MAST4: variants seen among roughly 807,000 people sequenced by gnomAD.
MAST4 encodes microtubule-associated serine/threonine-protein kinase 4.
MAST4 carries 89 observed loss-of-function variants against 162.7 expected under a neutral mutation model. That is an observed-to-expected ratio of 0.55 (90% confidence interval 0.46 to 0.65). MAST4 has a LOEUF of 0.65. Among genes scored for constraint, MAST4 ranks in the 30% least tolerant of loss-of-function variants. The pLI is 0.00. For synonymous variants in MAST4, 1,479 were observed against 1,361.1 expected, an observed-to-expected ratio of 1.09 and a Z score of -1.91; for missense variants, 3,153 against 3,374.0, an observed-to-expected ratio of 0.93 and a Z score of 1.62.
At chr5:66,628,305 G>A (rs1015217415) in intron 1 of MAST4, among the ~76,000 whole-genome samples, 7 of 151,000 alleles carry the variant, frequency 4.6e-5, no homozygotes, top group Non-Finnish European at 1.0e-4. Flanking sequence ...AAGTGCTGGA[G>A]TGACAAGCAT....
intron 4 of MAST4, among the ~76,000 whole-genome samples, chr5:66,983,837 T>C (rs1312054019): frequency 1.3e-5 from 2 of 152,168 alleles, no homozygotes; most frequent in Non-Finnish European, 2.9e-5. Flanking sequence ...TGACTTCAGA[T>C]AGTGGGGTTT....
chr5:67,095,127 G>C (rs931163460), intron 6 of MAST4, among the ~76,000 whole-genome samples: 1 of 152,188 alleles, frequency 6.6e-6, no homozygotes, highest in Admixed American at 6.5e-5. Flanking sequence ...AGCATGATGA[G>C]TATAACTGTT....
chr5:66,997,789 ATTATAT>A (rs1209315055), intron 4 of MAST4, among the ~76,000 whole-genome samples: 2 of 152,240 alleles, frequency 1.3e-5, no homozygotes, highest in Non-Finnish European at 1.5e-5. Flanking sequence ...CATGCCTGAC[ATTATAT>A]TTATACCCCT....
In MAST4 at chr5:67,133,656, G is replaced by A; in HGVS notation, c.2226+10G>A. The A allele has an allele frequency of 6.2e-7, 1 of 1,612,212 alleles. No homozygotes were observed. The highest frequency in any genetic ancestry group is 8.5e-7 in the Non-Finnish European group (1 of 1,178,916). On this transcript the variant is annotated intron_variant, in intron 17 of 28. Coordinates refer to ENST00000403625, the MANE Select transcript of MAST4 (RefSeq NM_001164664.2). ...GTTCCTGGATAAACAGGTAAGCTTG[G>A]GTGCCATTTAGTTTATTGAGAAATA...
At chr5:66,681,559 A>T (rs567241333) in intron 1 of MAST4, among the ~76,000 whole-genome samples, 1 of 152,328 alleles carries the variant, frequency 6.6e-6, no homozygotes, top group African/African-American at 2.4e-5. Context: ...GTGTTTGAAA[A>T]TTGTTGTCAG....
rs562866179 is a variant in MAST4, at chr5:66,840,863, T to G, written c.642+52069T>G. On this transcript the variant is annotated intron_variant, in intron 3 of 28. Transcript: ENST00000403625. ...CCCTCTAGACCTACAAATGTGAGAA[T>G]AAGCCACTAAGTTTCGTAATGAGTT... 2.0e-5 allele frequency among the ~76,000 whole-genome samples: 3 copies of G among 152,274 alleles called. No individual in the cohort carries two copies. In the East Asian group the frequency reaches 5.8e-4, roughly 29 times the overall value.
intron 4 of MAST4, among the ~76,000 whole-genome samples, chr5:66,907,645 A>T (rs1389685258): frequency 1.3e-5 from 2 of 149,520 alleles, no homozygotes; most frequent in African/African-American, 2.5e-5. Flanking sequence ...TGTATTTTTT[A>T]AAAAGAAGAC....
At chr5:67,117,895 A>G (rs942748883) in intron 12 of MAST4, among the ~76,000 whole-genome samples, 12 of 152,214 alleles carry the variant, frequency 7.9e-5, no homozygotes, top group Non-Finnish European at 1.3e-4. Context: ...TCAGGGTAGT[A>G]CTTAAAGCTG....
intron 5 of MAST4, among the ~76,000 whole-genome samples, chr5:67,060,455 A>G (rs1032725158): frequency 6.6e-6 from 1 of 151,112 alleles, no homozygotes; most frequent in Middle Eastern, 3.2e-3. Flanking sequence ...TGTGCCAGAG[A>G]TACTCCTGGG....
chr5:66,788,990 T>G (rs1755257686), intron 3 of MAST4, among the ~76,000 whole-genome samples, 196 bp downstream of exon 3: 1 of 152,256 alleles, frequency 6.6e-6, no homozygotes, highest in Admixed American at 6.5e-5. Flanking sequence ...CTCTCAATTT[T>G]GGCCTCATCT....
intron 3 of MAST4, among the ~76,000 whole-genome samples, chr5:66,823,705 G>A (rs1036590283): frequency 2.0e-5 from 3 of 152,024 alleles, no homozygotes; most frequent in African/African-American, 4.8e-5. Context: ...CAACATGTTC[G>A]GCTGGTCTCG....
chr5:66,635,852 A>T (rs1357878328), intron 1 of MAST4, among the ~76,000 whole-genome samples: 3 of 149,652 alleles, frequency 2.0e-5, no homozygotes, highest in Admixed American at 1.3e-4. Flanking sequence ...GTGTACATGG[A>T]GAGAGAGGAG....
At chr5:66,974,773 C>T (rs966451217) in intron 4 of MAST4, among the ~76,000 whole-genome samples, 3 of 152,200 alleles carry the variant, frequency 2.0e-5, no homozygotes, top group Non-Finnish European at 4.4e-5. Flanking sequence ...ACTATTTGTT[C>T]TGTACATAAT....
chr5:66,908,148 G>A (rs1274097828), intron 4 of MAST4, among the ~76,000 whole-genome samples: 2 of 152,220 alleles, frequency 1.3e-5, no homozygotes, highest in South Asian at 4.1e-4. Context: ...GACTGTGGAA[G>A]AATGTCAATT....
At chr5:66,608,579 C>G (rs1420598414) in intron 1 of MAST4, among the ~76,000 whole-genome samples, 1 of 151,898 alleles carries the variant, frequency 6.6e-6, no homozygotes, top group Non-Finnish European at 1.5e-5. Context: ...AGGGTACTGT[C>G]TCTCACCTCC....
At chr5:66,737,295 C>T (rs1245077309) in intron 1 of MAST4, among the ~76,000 whole-genome samples, 3 of 152,152 alleles carry the variant, frequency 2.0e-5, no homozygotes, top group African/African-American at 7.2e-5. Context: ...AGTTCCTCAC[C>T]ATGTGGACCT....
chr5:67,166,989 G>A lies in MAST4; in HGVS notation c.7810G>A (p.Val2604Met). ...PISLSNEKDFVVRQRRGKESL... is the reference protein window; with the variant it reads ...PISLSNEKDFMVRQRRGKESL... ...CTCTCTTTCTAATGAGAAGGACTTT[G>A]TGGTACGGCAGAGGCGGGGGAAAGA... The change falls in exon 29 of 29, where the codon GTG becomes ATG. Residue 2604 changes from valine (V) to methionine (M), a missense_variant. Val to Met is a conservative substitution (Grantham distance 21, BLOSUM62 1). This residue lies in a region of MAST4 where 1,644 missense variants were observed against 1,495.0 expected (regional missense o/e 1.10). Transcript: ENST00000403625. The A allele has an allele frequency of 6.2e-7, 1 of 1,611,468 alleles. No individual in the cohort carries two copies. Among genetic ancestry groups the A allele is most frequent in the Non-Finnish European group, 8.5e-7 (1 of 1,179,286 alleles).
intron 4 of MAST4, among the ~76,000 whole-genome samples, chr5:66,985,470 G>A (rs56878393): frequency 3.2e-4 from 48 of 152,304 alleles, no homozygotes; most frequent in African/African-American, 9.1e-4. Context: ...ATCTTTGAAA[G>A]GTACGGAAGA....
At chr5:67,156,971 G>C (rs185902466) in intron 26 of MAST4, among the ~76,000 whole-genome samples, 38 of 152,366 alleles carry the variant, frequency 2.5e-4, no homozygotes, top group Non-Finnish European at 5.1e-4. Context: ...CATGAAAATA[G>C]TTTAAAGTAA....
Sources: allele counts gnomAD v4.1 joint callset (sites outside exome capture counted in the v4.1 genomes callset), GRCh38; gene constraint gnomAD v4.1.1; regional missense constraint gnomAD v4.1.1; transcripts MANE v1.5; gene names NCBI Gene and HGNC (gene_info 2026-07-23, HGNC 2026-07-21).